TTC12: variants seen among roughly 807,000 people sequenced by gnomAD.
The protein encoded by TTC12 is tetratricopeptide repeat protein 12.
In TTC12, 70 loss-of-function variants were observed where a neutral mutation model predicts 90.1. That is an observed-to-expected ratio of 0.78 (90% CI 0.64 to 0.95). The LOEUF (loss-of-function observed/expected upper bound fraction) is 0.95, where lower values mean the gene tolerates loss of function less well. Among genes scored for constraint, TTC12 ranks in the 40% least tolerant of loss-of-function variants. The pLI is 0.00. For synonymous variants in TTC12, 296 were observed against 311.5 expected (o/e 0.95, Z 0.53); for missense variants, 819 against 846.1 (o/e 0.97, Z 0.40).
In TTC12 at chr11:113,325,545, A is replaced by G. The variant is rs1565576434; in HGVS notation, c.344A>G (p.Glu115Gly). 1 of 1,613,954 alleles carries G rather than the reference A, an allele frequency of 6.2e-7. No homozygotes were observed. Among genetic ancestry groups the G allele is most frequent in the Middle Eastern group, 1.6e-4 (1 of 6,062 alleles). Residue 115 changes from glutamate to glycine, a missense_variant, in exon 6 of 22, where the codon GAA becomes GGA. Glu to Gly is a moderately conservative substitution (Grantham distance 98). Coordinates refer to ENST00000529221, the MANE Select transcript of TTC12 (RefSeq NM_017868.4). ...ATAGCCCTAAAAGAAAAAGGGAATG[A>G]AGCATTTGCTGAAGGCAATTATGAA... is the stretch of plus-strand genomic sequence containing the variant. ...LADALKEKGN[E>G]AFAEGNYETA... is the part of the protein sequence containing the mutation.
At chr11:113,324,535 A>G in intron 4 of TTC12, 70 bp from the exon 5 acceptor site, 1 of 1,353,278 alleles carries the variant, frequency 7.4e-7, no homozygotes, top group Non-Finnish European at 1.0e-6. Context: ...AACACTTCGA[A>G]TTTGAGCTAA....
intron 18 of TTC12, among the ~76,000 whole-genome samples, chr11:113,362,191 T>G (rs1227012300): frequency 1.3e-5 from 2 of 152,162 alleles, no homozygotes; most frequent in Non-Finnish European, 2.9e-5. Flanking sequence ...TGAAATAATA[T>G]GGGCCTCTGG....
At position 113,362,384 on chromosome 11, in the gene TTC12, CTT is replaced by C; in HGVS notation, c.1615-15_1615-14del. On this transcript the variant is annotated splice_polypyrimidine_tract_variant and intron_variant, in intron 18 of 21. Transcript: ENST00000529221. ...TCTGAAAAGGACATTTAATTATCCT[CTT>C]TCTGCTGTACTCAGAGAGCTGCTGG... is the stretch of plus-strand genomic sequence containing the variant. The C allele has an allele frequency of 6.3e-7, 1 of 1,591,292 alleles. No homozygotes were observed. The highest frequency in any genetic ancestry group is 8.6e-7 in the Non-Finnish European group (1 of 1,160,234).
intron 8 of TTC12, among the ~76,000 whole-genome samples, chr11:113,337,811 G>A (rs60373142): frequency 0.16 from 24,926 of 151,988 alleles, 2,445 homozygotes; most frequent in East Asian, 0.45. Context: ...AGGTGGTGAT[G>A]GGGACCAGGT....
intron 18 of TTC12, among the ~76,000 whole-genome samples, chr11:113,360,786 G>A (rs1949884722): frequency 6.6e-6 from 1 of 152,188 alleles, no homozygotes; most frequent in South Asian, 2.1e-4. Flanking sequence ...TTTAAAAAAT[G>A]TTCTGAGTAG....
intron 8 of TTC12, among the ~76,000 whole-genome samples, chr11:113,337,138 T>G (rs1948416575): frequency 6.6e-6 from 1 of 152,242 alleles, no homozygotes; most frequent in African/African-American, 2.4e-5. Context: ...TGTTAATCTT[T>G]CCCTGTCCAC....
chr11:113,359,116 C>T (rs1949778490), intron 16 of TTC12, among the ~76,000 whole-genome samples: 1 of 151,916 alleles, frequency 6.6e-6, no homozygotes, highest in African/African-American at 2.4e-5. Flanking sequence ...GCAGCTGACT[C>T]TTCACTTTAA....
rs143754248 is a variant in TTC12, at chr11:113,338,474, A to G, written c.577-300A>G. On this transcript the variant is annotated intron_variant, in intron 8 of 21. Transcript: ENST00000529221. ...CATATCTAAGTTTTGCGTTTACTTT[A>G]TGATTATTTCTATCCCAGACAGACA... is the stretch of plus-strand genomic sequence containing the variant. Among the ~76,000 whole-genome samples the G allele has an allele frequency of 5.9e-3, 903 of 152,294 alleles. 5 individuals carry two copies. Among genetic ancestry groups the G allele is most frequent in the African/African-American group, 0.021 (856 of 41,548 alleles).
At chr11:113,353,529 T>C (rs1555151265) in intron 16 of TTC12, among the ~76,000 whole-genome samples, 2 of 152,228 alleles carry the variant, frequency 1.3e-5, no homozygotes, top group Admixed American at 1.3e-4. Context: ...TGTCATGAAA[T>C]CTTTGCTCGT....
At chr11:113,357,843 C>T (rs968352275) in intron 16 of TTC12, among the ~76,000 whole-genome samples, 2 of 152,230 alleles carry the variant, frequency 1.3e-5, no homozygotes, top group African/African-American at 4.8e-5. Flanking sequence ...GGTCACTACA[C>T]TCCAATGGGT....
At chr11:113,356,261 G>A (rs1300875587) in intron 16 of TTC12, among the ~76,000 whole-genome samples, 2 of 152,050 alleles carry the variant, frequency 1.3e-5, no homozygotes, top group East Asian at 1.9e-4. Context: ...GGATTGCAAC[G>A]CCTGCTTTTT....
intron 18 of TTC12, among the ~76,000 whole-genome samples, chr11:113,361,655 TA>T (rs1173818853): frequency 1.3e-5 from 2 of 152,232 alleles, no homozygotes; most frequent in East Asian, 3.8e-4. Context: ...TTCTTTCTAG[TA>T]TACGGGGGTG....
chr11:113,332,624 G>A (rs1360997814), intron 7 of TTC12, among the ~76,000 whole-genome samples: 2 of 152,030 alleles, frequency 1.3e-5, no homozygotes, highest in Non-Finnish European at 2.9e-5. Context: ...CTCCCTTACA[G>A]CTCTCTTCTC....
intron 5 of TTC12, among the ~76,000 whole-genome samples, chr11:113,324,970 T>C (rs1320396333): frequency 6.6e-6 from 1 of 151,896 alleles, no homozygotes; most frequent in Non-Finnish European, 1.5e-5. Flanking sequence ...GCTCAGGAAG[T>C]AGTGGGGGGT....
intron 19 of TTC12, 42 bp from the exon 20 acceptor site, chr11:113,363,786 A>G: frequency 7.1e-7 from 1 of 1,405,400 alleles, no homozygotes; most frequent in South Asian, 1.2e-5. Flanking sequence ...AAGAGCAATC[A>G]TAGCACTGAT....
downstream of TTC12, among the ~76,000 whole-genome samples, chr11:113,367,906 A>G (rs1038120816): frequency 6.6e-6 from 1 of 152,230 alleles, no homozygotes; most frequent in African/African-American, 2.4e-5. Context: ...TCAAGAGGCT[A>G]CTGAATTGCA....
intron 7 of TTC12, among the ~76,000 whole-genome samples, chr11:113,333,116 C>T (rs2137964585): frequency 6.6e-6 from 1 of 152,292 alleles, no homozygotes; most frequent in African/African-American, 2.4e-5. Flanking sequence ...GTGCCACCTT[C>T]CTACCAGCTT....
At chr11:113,323,161 T>C (rs1441065543) in intron 2 of TTC12, 127 bp from the exon 3 acceptor site, 4 of 618,064 alleles carry the variant, frequency 6.5e-6, no homozygotes, top group Non-Finnish European at 9.9e-6. Flanking sequence ...GCTTGCTCTA[T>C]TTTGCTTTCT....
rs914203142 is a variant in TTC12, at chr11:113,338,906, C to T, written c.637+72C>T. Reference sequence around the variant, plus strand: ...CTGCCCCCTGCCTTAGAATGCCTTCCGTGCTTTCACTGCCCTTGGCCACTA... The same window carrying T: ...CTGCCCCCTGCCTTAGAATGCCTTCTGTGCTTTCACTGCCCTTGGCCACTA... On this transcript the variant is annotated intron_variant, in intron 9 of 21. Transcript: ENST00000529221. The T allele has an allele frequency of 1.2e-5, 17 of 1,381,196 alleles. No homozygotes were observed. In the Middle Eastern group the frequency reaches 5.4e-4, roughly 44 times the overall value. 85.6% of individuals were successfully genotyped at this position (1,381,196 alleles called of 1,614,324 possible).
Sources: allele counts gnomAD v4.1 joint callset (sites outside exome capture counted in the v4.1 genomes callset), GRCh38; gene constraint gnomAD v4.1.1; transcripts MANE v1.5; gene names NCBI Gene and HGNC (gene_info 2026-07-23, HGNC 2026-07-21).